The following ESR1 variants were observed in gnomAD, a reference collection of about 807,000 sequenced individuals.
ESR1 encodes the protein estrogen receptor.
A neutral mutation model predicts 52.7 loss-of-function variants in ESR1; 12 were observed. The ratio of observed to expected loss-of-function variants is 0.23; its 90% CI spans 0.15 to 0.37. The LOEUF is 0.37. Among genes scored for constraint, ESR1 ranks in the 10% least tolerant of loss-of-function variants. The pLI is 1.00. For missense variants in ESR1, 584 were observed against 779.7 expected, an observed-to-expected ratio of 0.75 and a Z score of 2.99; for synonymous variants, 305 against 316.8, an observed-to-expected ratio of 0.96 and a Z score of 0.39.
chr6:151,869,798 A>G (rs1362627106), intron 2 of ESR1, among the ~76,000 whole-genome samples: 1 of 152,164 alleles, frequency 6.6e-6, no homozygotes, highest in Non-Finnish European at 1.5e-5. Flanking sequence ...TGCAAATAAT[A>G]TATTTTTCTT....
At chr6:151,775,607 GCC>G in intron 2 of ESR1, among the ~76,000 whole-genome samples, 1 of 152,178 alleles carries the variant, frequency 6.6e-6, no homozygotes, top group African/African-American at 2.4e-5. Flanking sequence ...AATTAGCTGT[GCC>G]GTGGCGGGCG....
Position 151,761,774 on chromosome 6 carries a change from G to A in ESR1, c.-70-46069G>A, listed in dbSNP as rs187087124. On this transcript the variant is annotated intron_variant, in intron 2 of 2. Transcript: ENST00000404742. ...TGGATTTCAGTTATCTCTCATTGAAGGAATTAGGCTCCATCAGTGGTTCTC... is the reference window on the plus strand; with the variant it reads ...TGGATTTCAGTTATCTCTCATTGAAAGAATTAGGCTCCATCAGTGGTTCTC... Among the ~76,000 whole-genome samples the A allele has an allele frequency of 1.3e-3, 202 of 152,282 alleles. 1 individual carries two copies. Among genetic ancestry groups the A allele is most frequent in the Middle Eastern group, 0.01 (3 of 294 alleles).
chr6:151,698,546 G>T (rs1467440501), intron 1 of ESR1, among the ~76,000 whole-genome samples: 2 of 152,126 alleles, frequency 1.3e-5, no homozygotes, highest in Admixed American at 1.3e-4. Flanking sequence ...ACAGTTATGG[G>T]AATGGAAAAG....
chr6:151,754,344 TA>T (rs1273146848), intron 2 of ESR1, among the ~76,000 whole-genome samples: 1 of 149,220 alleles, frequency 6.7e-6, no homozygotes, highest in Non-Finnish European at 1.5e-5. Context: ...TTTTTTTGCA[TA>T]AGGGATGGAT....
chr6:151,704,355 C>T (rs1297765506), intron 2 of ESR1, among the ~76,000 whole-genome samples: 3 of 152,182 alleles, frequency 2.0e-5, no homozygotes, highest in African/African-American at 7.2e-5. Context: ...TTTCCTGCCT[C>T]AGCCTCCCAA....
chr6:151,689,651 T>C (rs974782868), upstream of ESR1, among the ~76,000 whole-genome samples: 1 of 152,194 alleles, frequency 6.6e-6, no homozygotes, highest in African/African-American at 2.4e-5. Context: ...GGTGTTCCTC[T>C]GTACTGGGTA....
intron 4 of ESR1, among the ~76,000 whole-genome samples, chr6:151,962,926 T>TATAA (rs1396407237): frequency 4.6e-5 from 7 of 152,188 alleles, no homozygotes; most frequent in African/African-American, 1.7e-4. Context: ...TATAAATATA[T>TATAA]ATAAAATGAA....
chr6:152,125,329 A>C, exon 7 of ESR1: 1 of 1,550,446 alleles, frequency 6.4e-7, no homozygotes, highest in Non-Finnish European at 8.7e-7. Flanking sequence ...TTTGGAAACA[A>C]GTGGTTTCCT....
intron 1 of ESR1, among the ~76,000 whole-genome samples, chr6:151,677,285 G>A (rs1184377533): frequency 2.6e-5 from 4 of 152,154 alleles, no homozygotes; most frequent in East Asian, 1.9e-4. Flanking sequence ...CAGCTTGACC[G>A]CCACTTTGTT....
intron 1 of ESR1, among the ~76,000 whole-genome samples, chr6:151,823,107 T>G (rs1393377233): frequency 2.0e-5 from 3 of 152,256 alleles, no homozygotes; most frequent in African/African-American, 7.2e-5. Context: ...AATATTATAC[T>G]AAAATATTAT....
chr6:151,692,533 G>A (rs1011178410), intron 1 of ESR1, among the ~76,000 whole-genome samples: 2 of 152,176 alleles, frequency 1.3e-5, no homozygotes, highest in Non-Finnish European at 2.9e-5. Flanking sequence ...AAAAGTCATA[G>A]CATAGTCTTC....
chr6:151,933,525 C>T lies in ESR1; in HGVS notation c.761-10648C>T, dbSNP rs367888261. On this transcript the variant is annotated intron_variant, in intron 3 of 7. Transcript: ENST00000206249. The stretch of plus-strand genomic sequence containing the variant: ...GAGCGGTGAGAGAGGGCATCCCTGT[C>T]TTGTGCCAGTTTTCAAAGGGAATGC... Among the ~76,000 whole-genome samples, 8 of 151,402 alleles carry T rather than the reference C, an allele frequency of 5.3e-5. No individual in the cohort carries two copies. The East Asian group carries it at 1.2e-3, about 22-fold the overall frequency.
At chr6:151,780,163 C>G (rs188651086) in intron 2 of ESR1, among the ~76,000 whole-genome samples, 1 of 151,700 alleles carries the variant, frequency 6.6e-6, no homozygotes, top group Non-Finnish European at 1.5e-5. Flanking sequence ...ATAATGAGAA[C>G]ATATTTGCAC....
chr6:151,903,669 T>C (rs1391446061), intron 3 of ESR1, among the ~76,000 whole-genome samples: 1 of 152,236 alleles, frequency 6.6e-6, no homozygotes, highest in Non-Finnish European at 1.5e-5. Context: ...CATGCCAGTC[T>C]GACCTCTCAC....
intron 6 of ESR1, among the ~76,000 whole-genome samples, chr6:152,123,794 G>A (rs923083574): frequency 1.3e-5 from 2 of 152,178 alleles, no homozygotes; most frequent in Admixed American, 6.5e-5. Context: ...TTGTATGTGA[G>A]GCTACTGAAA....
At chr6:152,030,110 C>T (rs2044544870) in intron 5 of ESR1, among the ~76,000 whole-genome samples, 1 of 152,148 alleles carries the variant, frequency 6.6e-6, no homozygotes, top group African/African-American at 2.4e-5. Flanking sequence ...TTGTCACCAC[C>T]AGGCCTGCCC....
intron 4 of ESR1, among the ~76,000 whole-genome samples, chr6:151,975,769 C>A (rs2039382348): frequency 6.6e-6 from 1 of 152,200 alleles, no homozygotes; most frequent in African/African-American, 2.4e-5. Context: ...GTTTGACCAA[C>A]AACTGGGCAC....
chr6:152,077,587 G>A (rs1293866905), intron 6 of ESR1, among the ~76,000 whole-genome samples: 1 of 152,210 alleles, frequency 6.6e-6, no homozygotes, highest in Non-Finnish European at 1.5e-5. Flanking sequence ...AAGCAGTCAG[G>A]GTTGGAGGTG....
At chr6:151,901,725 G>A (rs1796726358) in intron 3 of ESR1, among the ~76,000 whole-genome samples, 1 of 152,234 alleles carries the variant, frequency 6.6e-6, no homozygotes, top group African/African-American at 2.4e-5. Flanking sequence ...GTGAGGGTGT[G>A]TGTTCGGGGG....
Sources: allele counts gnomAD v4.1 joint callset (sites outside exome capture counted in the v4.1 genomes callset), GRCh38; gene constraint gnomAD v4.1.1; transcripts MANE v1.5; gene names NCBI Gene and HGNC (gene_info 2026-07-23, HGNC 2026-07-21).